Variants in MAN2A1 observed in about 807,000 individuals in gnomAD.
MAN2A1 encodes mannosidase alpha class 2A member 1, also known as alpha-mannosidase 2.
Under a neutral mutation model 142.6 loss-of-function variants are expected in MAN2A1, and 76 were observed. The ratio of observed to expected loss-of-function variants is 0.53; its 90% CI spans 0.44 to 0.65. The LOEUF (loss-of-function observed/expected upper bound fraction) is 0.65, where lower values mean the gene tolerates loss of function less well. Among genes scored for constraint, MAN2A1 ranks in the 30% least tolerant of loss-of-function variants. The pLI, the probability that MAN2A1 is intolerant of heterozygous loss-of-function variation, is 0.00. For missense variants in MAN2A1, 1,311 were observed against 1,365.1 expected, an observed-to-expected ratio of 0.96 and a Z score of 0.62; for synonymous variants, 559 against 473.2, an observed-to-expected ratio of 1.18 and a Z score of -2.35.
At chr5:109,792,509 G>T (rs1753761376) in intron 12 of MAN2A1, among the ~76,000 whole-genome samples, 1 of 152,060 alleles carries the variant, frequency 6.6e-6, no homozygotes, top group Non-Finnish European at 1.5e-5. Context: ...TCTAAATTCA[G>T]CATTCTCTAG....
intron 3 of MAN2A1, among the ~76,000 whole-genome samples, chr5:109,726,741 T>C (rs1328616702): frequency 6.6e-6 from 1 of 152,212 alleles, no homozygotes; most frequent in Non-Finnish European, 1.5e-5. Flanking sequence ...AAACTTTTAC[T>C]TATCAATCTT....
rs182140112 is a variant in MAN2A1, at chr5:109,829,210, C to T, written c.2566+5373C>T. Among the ~76,000 whole-genome samples, 309 of 152,110 alleles carry T rather than the reference C, an allele frequency of 2.0e-3. 1 individual carries two copies. Among genetic ancestry groups the T allele is most frequent in the African/African-American group, 7.4e-3 (305 of 41,480 alleles). On this transcript the variant is annotated intron_variant, in intron 16 of 21. Coordinates refer to ENST00000261483, the MANE Select transcript of MAN2A1 (RefSeq NM_002372.4). ...CTTATATTATTAAGTAAAATGAGTGCCCATTAAATATTTTTTTAAGATTAG... is the reference window on the plus strand; with the variant it reads ...CTTATATTATTAAGTAAAATGAGTGTCCATTAAATATTTTTTTAAGATTAG...
Position 109,866,937 on chromosome 5 carries a change from A to G in MAN2A1, c.3374A>G (p.Asn1125Ser). The G allele has an allele frequency of 1.2e-6, 2 of 1,612,888 alleles. No homozygotes were observed. The highest frequency in any genetic ancestry group is 1.7e-6 in the Non-Finnish European group (2 of 1,179,310). Residue 1125 changes from asparagine (N) to serine (S), a missense_variant, in exon 22 of 22, where the codon AAT becomes AGT. By Grantham distance (46) the Asn-to-Ser change is conservative. This residue lies in a region of MAN2A1 where 890 missense variants were observed against 920.5 expected (regional missense o/e 0.97). Coordinates refer to ENST00000261483, the MANE Select transcript of MAN2A1 (RefSeq NM_002372.4). ...ATGCATTCACCTCCCGGCACTCAGA[A>G]TATAAGTGAGATCAACTTGAGTCCA... ...SLMHSPPGTQ[N>S]ISEINLSPME...
At chr5:109,837,841 C>T (rs1164929469) in intron 16 of MAN2A1, among the ~76,000 whole-genome samples, 2 of 152,214 alleles carry the variant, frequency 1.3e-5, no homozygotes, top group East Asian at 3.9e-4. Context: ...ATTCTCTCAT[C>T]TTTCCAGCTA....
intron 7 of MAN2A1, among the ~76,000 whole-genome samples, chr5:109,773,175 T>C (rs1753193990): frequency 6.6e-6 from 1 of 152,180 alleles, no homozygotes. Context: ...CATTGGACCA[T>C]ATATTTAGTG....
chr5:109,726,929 A>G, intron 3 of MAN2A1, among the ~76,000 whole-genome samples: 1 of 152,208 alleles, frequency 6.6e-6, no homozygotes. Context: ...TAAAGACGAT[A>G]ATTCTAATAG....
intron 1 of MAN2A1, among the ~76,000 whole-genome samples, chr5:109,692,918 A>G (rs577079833): frequency 2.0e-5 from 3 of 152,250 alleles, no homozygotes; most frequent in African/African-American, 4.8e-5. Context: ...CGCAGTTCAC[A>G]ATAAGGTTCG....
intron 15 of MAN2A1, among the ~76,000 whole-genome samples, chr5:109,821,694 T>G (rs941610543): frequency 2.0e-5 from 3 of 152,124 alleles, no homozygotes; most frequent in African/African-American, 7.2e-5. Context: ...GTACCTTCAT[T>G]TATCTTTCAT....
Position 109,771,587 on chromosome 5 carries a change from T to G in MAN2A1, c.1196+1046T>G, listed in dbSNP as rs1033816520. ...GATTGACTTGATTTCATTTTCTTGG[T>G]TCCTACAGCCATGAGAACCACTGAG... On this transcript the variant is annotated intron_variant, in intron 7 of 21. Transcript: ENST00000261483. 6.6e-5 allele frequency among the ~76,000 whole-genome samples: 10 copies of G among 152,304 alleles called. No homozygotes were observed. In the East Asian group the frequency reaches 1.4e-3, roughly 21 times the overall value.
At chr5:109,754,757 T>G (rs543451179) in intron 4 of MAN2A1, among the ~76,000 whole-genome samples, 1 of 152,308 alleles carries the variant, frequency 6.6e-6, no homozygotes, top group South Asian at 2.1e-4. Flanking sequence ...ATCCCAGCAC[T>G]TTGGGAAGCT....
In MAN2A1 at chr5:109,807,800, A is replaced by G. The variant is rs372313422; in HGVS notation, c.1944-9473A>G. 9.9e-5 allele frequency among the ~76,000 whole-genome samples: 15 copies of G among 152,282 alleles called. 1 individual carries two copies. The highest frequency in any genetic ancestry group is 2.6e-4 in the Admixed American group (4 of 15,306). On this transcript the variant is annotated intron_variant, in intron 12 of 21. Coordinates refer to ENST00000261483, the MANE Select transcript of MAN2A1 (RefSeq NM_002372.4). ...ACATCTTGGGGTCATTATGCTCCCT[A>G]TCATACCTGGAAATCTGATTTTTAA...
chr5:109,844,320 A>C (rs13355543), intron 17 of MAN2A1, among the ~76,000 whole-genome samples: 1 of 152,036 alleles, frequency 6.6e-6, no homozygotes, highest in African/African-American at 2.4e-5. Context: ...TGGATATAGT[A>C]GTACTTGGGC....
intron 5 of MAN2A1, among the ~76,000 whole-genome samples, chr5:109,761,810 G>A (rs984687798): frequency 2.0e-5 from 3 of 151,974 alleles, no homozygotes; most frequent in Non-Finnish European, 4.4e-5. Context: ...TTTTGATAAT[G>A]TTAAAAATTT....
intron 20 of MAN2A1, among the ~76,000 whole-genome samples, chr5:109,861,893 A>G (rs1314675134): frequency 6.6e-6 from 1 of 152,236 alleles, no homozygotes; most frequent in Non-Finnish European, 1.5e-5. Flanking sequence ...GGGCTAATCC[A>G]GGATCACTGG....
intron 4 of MAN2A1, among the ~76,000 whole-genome samples, chr5:109,740,633 G>A (rs561289737): frequency 1.3e-5 from 2 of 152,306 alleles, no homozygotes; most frequent in South Asian, 4.1e-4. Flanking sequence ...GTGCCATGAG[G>A]GCGAAGAGTC....
chr5:109,828,999 C>T (rs137946980), intron 16 of MAN2A1, among the ~76,000 whole-genome samples: 9 of 151,978 alleles, frequency 5.9e-5, no homozygotes, highest in Non-Finnish European at 1.3e-4. Context: ...TCTAGTTAAA[C>T]ATATTAGGGG....
chr5:109,712,129 A>G (rs574107928), intron 1 of MAN2A1, among the ~76,000 whole-genome samples: 37 of 150,610 alleles, frequency 2.5e-4, no homozygotes, highest in Non-Finnish European at 4.7e-4. Flanking sequence ...AATCTGTTGC[A>G]GTCTCTTCGG....
rs377286369 is a variant in MAN2A1 at position 109,843,447 on chromosome 5, G to C, written c.2700+986G>C. 9.2e-5 allele frequency among the ~76,000 whole-genome samples: 14 copies of C among 152,192 alleles called. 1 individual carries two copies. The highest frequency in any genetic ancestry group is 2.6e-4 in the Admixed American group (4 of 15,296). On this transcript the variant is annotated intron_variant, in intron 17 of 21. Transcript: ENST00000261483. ...GGATTACAATTCAAGATGAGATTTG[G>C]GTGGGGATACAAAGTCTATATTAGT...
intron 12 of MAN2A1, among the ~76,000 whole-genome samples, chr5:109,815,057 C>T (rs1021060836): frequency 6.6e-6 from 1 of 152,190 alleles, no homozygotes; most frequent in East Asian, 1.9e-4. Context: ...AGTAGTAAAT[C>T]ACTCATTTCT....
Sources: gnomAD v4.1 joint callset for allele counts (sites outside exome capture counted in the v4.1 genomes callset) on GRCh38, gnomAD v4.1.1 for gene constraint, gnomAD v4.1.1 regional missense constraint, MANE v1.5 for transcripts, NCBI Gene and HGNC (gene_info 2026-07-23, HGNC 2026-07-21) for gene names.